RTN3: variants seen among roughly 807,000 people sequenced by gnomAD.
RTN3 encodes the protein reticulon 3, also known as reticulon-3.
A neutral mutation model predicts 77.8 loss-of-function variants in RTN3; 49 were observed. The ratio of observed to expected loss-of-function variants is 0.63; its 90% CI spans 0.50 to 0.80. RTN3 has a LOEUF of 0.80. Ranked by LOEUF, RTN3 falls within the 30% of genes least tolerant of loss-of-function variation. RTN3 has a pLI of 0.00. For synonymous variants in RTN3, 464 were observed against 446.9 expected (o/e 1.04, Z -0.48); for missense variants, 1,236 against 1,211.9 (o/e 1.02, Z -0.29).
chr11:63,724,950 G>A (rs2012130851), intron 3 of RTN3, among the ~76,000 whole-genome samples: 5 of 149,502 alleles, frequency 3.3e-5, no homozygotes, highest in Admixed American at 3.3e-4. Flanking sequence ...AGTCATTGAA[G>A]TTGTTAAAGT....
chr11:63,719,811 CAAGGCAATATGCAGA>C lies in RTN3; in HGVS notation c.1312_1326del (p.Gly438_Lys442del). 6.2e-7 allele frequency: 1 copy of C among 1,614,138 alleles called. No homozygotes were observed. The highest frequency in any genetic ancestry group is 8.5e-7 in the Non-Finnish European group (1 of 1,180,034). Reference sequence around the variant, plus strand: ...AAAAGAATTCAGTATCAAAGGTGTGCAAGGCAATATGCAGAAACAGGATGACACACTTGCAGAATT... The same window carrying C: ...AAAAGAATTCAGTATCAAAGGTGTGCAACAGGATGACACACTTGCAGAATT... On this transcript the variant is annotated inframe_deletion, in exon 3 of 9. Transcript: ENST00000377819.
At chr11:63,712,483 A>ATTTTTTTTTTTTTTTTTTTTTTTTTT in intron 2 of RTN3, among the ~76,000 whole-genome samples, 1 of 90,396 alleles carries the variant, frequency 1.1e-5, no homozygotes, top group Non-Finnish European at 2.3e-5. Context: ...AAGGACTTTG[A>ATTTTTTTTTTTTTTTTTTTTTTTTTT]TTTTTTTTTT....
chr11:63,713,657 A>C lies in RTN3; in HGVS notation c.200-5045A>C, dbSNP rs577130523. ...ACTAGATCTATGACTTTATTTGTTA[A>C]TAATTAGAGTAGCACCATGTTTTTA... On this transcript the variant is annotated intron_variant, in intron 2 of 8. Transcript: ENST00000377819. Among the ~76,000 whole-genome samples the C allele has an allele frequency of 2.0e-5, 3 of 152,294 alleles. No individual in the cohort carries two copies. The East Asian group carries it at 5.8e-4, about 29-fold the overall frequency.
chr11:63,707,792 C>T (rs1200771144), intron 2 of RTN3, among the ~76,000 whole-genome samples: 1 of 152,074 alleles, frequency 6.6e-6, no homozygotes, highest in Admixed American at 6.6e-5. Flanking sequence ...CGAGATCACG[C>T]TATTCATTGC....
intron 3 of RTN3, among the ~76,000 whole-genome samples, chr11:63,741,696 C>T (rs1327860730): frequency 5.3e-5 from 8 of 150,190 alleles, no homozygotes; most frequent in African/African-American, 1.5e-4. Context: ...AGATGGGGTT[C>T]TGCCGTGTTG....
intron 3 of RTN3, among the ~76,000 whole-genome samples, chr11:63,742,944 G>A (rs1200509728): frequency 1.3e-5 from 2 of 152,094 alleles, no homozygotes; most frequent in Non-Finnish European, 2.9e-5. Context: ...GCAGTGGCGC[G>A]ATCTCAGCTC....
intron 3 of RTN3, among the ~76,000 whole-genome samples, chr11:63,730,608 A>C (rs1476849759): frequency 3.9e-5 from 6 of 152,084 alleles, no homozygotes; most frequent in African/African-American, 1.4e-4. Context: ...ATAACCCTTA[A>C]CCCAACATAA....
At chr11:63,685,707 G>T (rs553735377) in intron 1 of RTN3, among the ~76,000 whole-genome samples, 29 of 152,056 alleles carry the variant, frequency 1.9e-4, no homozygotes, top group African/African-American at 6.8e-4. Flanking sequence ...AAATCTGTAC[G>T]TATTGCTGTC....
chr11:63,720,831 A>G lies in RTN3; in HGVS notation c.2329A>G (p.Thr777Ala), dbSNP rs751354533. 1 of 1,614,020 alleles carries G rather than the reference A, an allele frequency of 6.2e-7. No individual in the cohort carries two copies. Among genetic ancestry groups the G allele is most frequent in the Non-Finnish European group, 8.5e-7 (1 of 1,180,024 alleles). The change falls in exon 3 of 9, where the codon ACT becomes GCT. Residue 777 changes from threonine to alanine, a missense_variant. This residue lies in a region of RTN3 where 1,056 missense variants were observed against 990.4 expected (regional missense o/e 1.07). Coordinates refer to ENST00000377819, the MANE Select transcript of RTN3 (RefSeq NM_001265589.2). ...ELPSEEVLKQTFTFAPESWPQ... is the reference protein window; with the variant it reads ...ELPSEEVLKQAFTFAPESWPQ... Reference sequence around the variant, plus strand: ...GCCTTCTGAAGAAGTACTGAAGCAAACTTTCACATTTGCTCCAGAATCTTG... The same window carrying G: ...GCCTTCTGAAGAAGTACTGAAGCAAGCTTTCACATTTGCTCCAGAATCTTG...
intron 1 of RTN3, among the ~76,000 whole-genome samples, chr11:63,683,864 A>G (rs746531181): frequency 1.2e-4 from 18 of 151,032 alleles, no homozygotes; most frequent in Non-Finnish European, 1.3e-4. Context: ...TTCCAAGTAC[A>G]TGAGTTTGCA....
chr11:63,734,772 CACACACA>C (rs2012962355), intron 3 of RTN3, among the ~76,000 whole-genome samples: 1 of 149,388 alleles, frequency 6.7e-6, no homozygotes, highest in African/African-American at 2.5e-5. Flanking sequence ...CACACACACA[CACACACA>C]CACCATACTG....
At chr11:63,744,803 G>C (rs1408555241) in intron 3 of RTN3, among the ~76,000 whole-genome samples, 1 of 152,176 alleles carries the variant, frequency 6.6e-6, no homozygotes, top group Non-Finnish European at 1.5e-5. Flanking sequence ...ACCAACATGG[G>C]CAACATGACA....
At chr11:63,687,908 A>G (rs1941456000) in intron 1 of RTN3, among the ~76,000 whole-genome samples, 1 of 152,006 alleles carries the variant, frequency 6.6e-6, no homozygotes, top group South Asian at 2.1e-4. Flanking sequence ...TTCCCTTTCC[A>G]CATGTGAGTC....
chr11:63,686,470 CAAAAAAA>C (rs11364347), intron 1 of RTN3, among the ~76,000 whole-genome samples: 1 of 92,564 alleles, frequency 1.1e-5, no homozygotes, highest in African/African-American at 4.0e-5. Context: ...GACTCCGTCT[CAAAAAAA>C]AAAAAAAAAA....
intron 3 of RTN3, among the ~76,000 whole-genome samples, chr11:63,743,570 T>C (rs1389769200): frequency 6.6e-6 from 1 of 152,180 alleles, no homozygotes; most frequent in Non-Finnish European, 1.5e-5. Context: ...GATGTAGTAT[T>C]GCGTTTATTT....
chr11:63,756,161 T>G lies in RTN3; in HGVS notation c.3044T>G (p.Ile1015Ser). ...ATCGCCCGAGATCAGACCAAGTCAA[T>G]TGTTGAAAAGTAAGTACATTTAGAG... ...VGIARDQTKS[I>S]VEKIQAKLPG... Residue 1015 changes from isoleucine (I) to serine (S), a missense_variant, in exon 8 of 9, where the codon ATT (isoleucine) becomes AGT (serine). Ile to Ser is a moderately radical substitution (Grantham distance 142). Coordinates refer to ENST00000377819, the MANE Select transcript of RTN3 (RefSeq NM_001265589.2). 2 of 1,611,922 alleles carry G rather than the reference T, an allele frequency of 1.2e-6. No homozygotes were observed. The highest frequency in any genetic ancestry group is 1.7e-6 in the Non-Finnish European group (2 of 1,177,986).
rs548593360 is a variant in RTN3 at position 63,745,834 on chromosome 11, G to A, written c.2531-4157G>A. 4.6e-5 allele frequency among the ~76,000 whole-genome samples: 7 copies of A among 152,206 alleles called. No individual in the cohort carries two copies. The South Asian group carries it at 6.2e-4, about 14-fold the overall frequency. On this transcript the variant is annotated intron_variant, in intron 3 of 8. Coordinates refer to ENST00000377819, the MANE Select transcript of RTN3 (RefSeq NM_001265589.2). ...TTTGCACAAAGGTCTTTTTTGAGAC[G>A]GAGTCTCACTCTTTCACCCAGGCTG...
chr11:63,695,628 G>A (rs1044403021), intron 1 of RTN3, among the ~76,000 whole-genome samples: 1 of 152,222 alleles, frequency 6.6e-6, no homozygotes, highest in African/African-American at 2.4e-5. Context: ...GCTGTGATGA[G>A]CATGGCCCTT....
chr11:63,709,449 T>G (rs1452070673), intron 2 of RTN3, among the ~76,000 whole-genome samples: 2 of 152,114 alleles, frequency 1.3e-5, no homozygotes, highest in Non-Finnish European at 2.9e-5. Flanking sequence ...CCATGCCGCA[T>G]TGGAAGCATT....
Sources: gnomAD v4.1 joint callset for allele counts (sites outside exome capture counted in the v4.1 genomes callset) on GRCh38, gnomAD v4.1.1 for gene constraint, gnomAD v4.1.1 regional missense constraint, MANE v1.5 for transcripts, NCBI Gene and HGNC (gene_info 2026-07-23, HGNC 2026-07-21) for gene names.